LRCH3: variants seen among roughly 807,000 people sequenced by gnomAD.
The protein encoded by LRCH3 is DISP complex protein LRCH3.
In LRCH3, 68 loss-of-function variants were observed where a neutral mutation model predicts 104.5. That is an observed-to-expected ratio of 0.65 (90% CI 0.54 to 0.80). The LOEUF is 0.80. Among genes scored for constraint, LRCH3 ranks in the 30% least tolerant of loss-of-function variants. The probability of loss-of-function intolerance (pLI) is 0.00; values close to 1 mark genes in which losing one functional copy is unlikely to be tolerated. For synonymous variants in LRCH3, 344 were observed against 361.3 expected (o/e 0.95, Z 0.54); for missense variants, 951 against 953.9 (o/e 1.00, Z 0.04).
intron 13 of LRCH3, among the ~76,000 whole-genome samples, chr3:197,853,888 A>G (rs924270055): frequency 3.3e-5 from 5 of 152,144 alleles, no homozygotes; most frequent in Non-Finnish European, 7.4e-5. Context: ...TTTCTTTTTT[A>G]CCCCAATATT....
chr3:197,802,936 C>T (rs149302325), intron 1 of LRCH3, among the ~76,000 whole-genome samples: 1 of 152,290 alleles, frequency 6.6e-6, no homozygotes, highest in East Asian at 1.9e-4. Flanking sequence ...TCAGAACATT[C>T]TCAAGGATAA....
intron 15 of LRCH3, among the ~76,000 whole-genome samples, chr3:197,864,304 C>T (rs749263392): frequency 1.4e-5 from 2 of 143,818 alleles, no homozygotes; most frequent in African/African-American, 2.6e-5. Context: ...GAGACTCCAT[C>T]TCAAAAATAA....
At chr3:197,835,546 T>C in intron 8 of LRCH3, 128 bp from the exon 9 acceptor site, 1 of 729,108 alleles carries the variant, frequency 1.4e-6, no homozygotes, top group Non-Finnish European at 1.9e-6. Flanking sequence ...GTTTTTATCA[T>C]CCCTCCCACT....
chr3:197,829,958 C>A (rs1272047930), intron 6 of LRCH3, among the ~76,000 whole-genome samples: 1 of 152,156 alleles, frequency 6.6e-6, no homozygotes, highest in Non-Finnish European at 1.5e-5. Context: ...GGTGTCTGCC[C>A]ATTAGATAGA....
rs769782760 is a variant in LRCH3 at position 197,835,640 on chromosome 3, T to TGTGTGTGTGTGG, written c.1103-21_1103-10dup. 78 of 1,554,584 alleles carry TGTGTGTGTGTGG rather than the reference T, an allele frequency of 5.0e-5. No individual in the cohort carries two copies. The East Asian group carries it at 1.2e-3, about 24-fold the overall frequency. On this transcript the variant is annotated intron_variant, in intron 8 of 20. Transcript: ENST00000425562. ...AATTTGAATGTTTTTTTCTGGTGTG[T>TGTGTGTGTGTGG]GTGTGTGTGTGGGTGTGTGTGTGGT...
chr3:197,880,119 G>T (rs1455964289), intron 20 of LRCH3, among the ~76,000 whole-genome samples: 1 of 150,234 alleles, frequency 6.7e-6, no homozygotes, highest in Admixed American at 6.6e-5. Context: ...CTAATTTTTT[G>T]TATTTTTAGT....
At chr3:197,797,327 CAAA>C (rs3085302) in intron 1 of LRCH3, among the ~76,000 whole-genome samples, 1 of 71,540 alleles carries the variant, frequency 1.4e-5, no homozygotes, top group Non-Finnish European at 2.4e-5. Flanking sequence ...AACTCCATCT[CAAA>C]AAAAAAAAAA....
intron 1 of LRCH3, among the ~76,000 whole-genome samples, chr3:197,814,318 C>T (rs1474058282): frequency 1.3e-5 from 2 of 152,180 alleles, no homozygotes; most frequent in Non-Finnish European, 2.9e-5. Flanking sequence ...GAGAATAACA[C>T]GGAAAAACCG....
At chr3:197,879,846 T>TA (rs984564241) in intron 20 of LRCH3, among the ~76,000 whole-genome samples, 2 of 150,840 alleles carry the variant, frequency 1.3e-5, no homozygotes, top group Non-Finnish European at 2.9e-5. Context: ...TTTTTTTTTT[T>TA]AAATAGAGGA....
chr3:197,847,427 T>C lies in LRCH3; in HGVS notation c.1347T>C (p.Ser449=), dbSNP rs1371734072. Residue 449 remains serine, a synonymous_variant, in exon 11 of 21, where the codon TCT becomes TCC. Transcript: ENST00000425562. ...GGGTCAGGGTTCCAGCTGAGCCATC[T>C]TCCCTCCTGTCACTATCAGCAAGTC... ...LHQNRVPAEP[S]SLLSLSASHN... The C allele has an allele frequency of 6.2e-7, 1 of 1,601,458 alleles. No individual in the cohort carries two copies. Among genetic ancestry groups the C allele is most frequent in the East Asian group, 2.3e-5 (1 of 44,026 alleles).
At chr3:197,849,162 G>C (rs758617091) in intron 12 of LRCH3, among the ~76,000 whole-genome samples, 8 of 151,452 alleles carry the variant, frequency 5.3e-5, no homozygotes, top group Non-Finnish European at 1.0e-4. Context: ...TAACCAGGAG[G>C]CTGAAGTGGA....
In LRCH3 at chr3:197,835,860, CT is replaced by C. The variant is rs1219303880; in HGVS notation, c.1251+40del. ...TTGAAGCCTAAATATGTTGCTATCC[CT>C]TCATAAAAATAATTCATAATAGTAT... On this transcript the variant is annotated intron_variant, in intron 9 of 20. Coordinates refer to ENST00000425562, the MANE Select transcript of LRCH3 (RefSeq NM_001365715.1). 3 of 1,597,508 alleles carry C rather than the reference CT, an allele frequency of 1.9e-6. No individual in the cohort carries two copies. In the African/African-American group the frequency reaches 4.0e-5, roughly 21 times the overall value.
At chr3:197,801,225 A>G (rs528972325) in intron 1 of LRCH3, among the ~76,000 whole-genome samples, 6 of 152,336 alleles carry the variant, frequency 3.9e-5, no homozygotes, top group African/African-American at 9.6e-5. Flanking sequence ...AGTAAAGTTC[A>G]AAAACAAAAA....
intron 1 of LRCH3, among the ~76,000 whole-genome samples, chr3:197,808,170 C>T (rs1212167723): frequency 6.6e-6 from 1 of 152,112 alleles, no homozygotes; most frequent in Non-Finnish European, 1.5e-5. Flanking sequence ...TAAGTCAATA[C>T]AAGTGATGTC....
At chr3:197,879,428 C>CTT in intron 20 of LRCH3, among the ~76,000 whole-genome samples, 1 of 151,800 alleles carries the variant, frequency 6.6e-6, no homozygotes, top group East Asian at 1.9e-4. Flanking sequence ...GGGCGGATCA[C>CTT]GAGGTCAGGA....
At chr3:197,834,204 C>T (rs1477926784) in intron 8 of LRCH3, among the ~76,000 whole-genome samples, 1 of 151,996 alleles carries the variant, frequency 6.6e-6, no homozygotes, top group East Asian at 1.9e-4. Flanking sequence ...TCTAGTGTGC[C>T]ATTTTAAGTA....
In LRCH3 at chr3:197,829,707, T is replaced by A. The variant is rs763251839; in HGVS notation, c.887+34T>A. Reference sequence around the variant, plus strand: ...ATTCTGTCCCTTTATCTATCATATTTTTTGTACAGAGAATCAAATAAAATG... The same window carrying A: ...ATTCTGTCCCTTTATCTATCATATTATTTGTACAGAGAATCAAATAAAATG... On this transcript the variant is annotated intron_variant, in intron 6 of 20. Transcript: ENST00000425562. 3 of 1,425,354 alleles carry A rather than the reference T, an allele frequency of 2.1e-6. No individual in the cohort carries two copies. The South Asian group carries it at 3.7e-5, about 18-fold the overall frequency. The allele number at this position is 1,425,354 out of a possible 1,614,324, so 88.3% of individuals were successfully genotyped here. A position where few individuals can be genotyped will look rare whatever the true frequency, so the allele number is the denominator to read the frequency against.
chr3:197,847,732 A>G (rs1738959881), intron 11 of LRCH3, 140 bp from the exon 12 acceptor site: 4 of 806,984 alleles, frequency 5.0e-6, no homozygotes, highest in African/African-American at 1.7e-5. Context: ...AGATTAGCCA[A>G]TAAACACATT....
At chr3:197,824,644 G>T (rs1264656265) in intron 4 of LRCH3, among the ~76,000 whole-genome samples, 1 of 149,992 alleles carries the variant, frequency 6.7e-6, no homozygotes, top group Non-Finnish European at 1.5e-5. Context: ...TCGGCTCACG[G>T]TAACCTCTGC....
Sources: gnomAD v4.1 joint callset for allele counts (sites outside exome capture counted in the v4.1 genomes callset) on GRCh38, gnomAD v4.1.1 for gene constraint, MANE v1.5 for transcripts, NCBI Gene and HGNC (gene_info 2026-07-23, HGNC 2026-07-21) for gene names.